SPON1: variants seen among roughly 807,000 people sequenced by gnomAD.
The protein encoded by SPON1 is spondin-1.
In SPON1, 52 loss-of-function variants were observed where a neutral mutation model predicts 111.7. The observed-to-expected ratio is 0.47, with a 90% confidence interval of 0.37 to 0.59. SPON1 has a LOEUF of 0.59. Among genes scored for constraint, SPON1 ranks in the 20% least tolerant of loss-of-function variants. The pLI is 0.00. For missense variants in SPON1, 957 were observed against 1,068.5 expected, an observed-to-expected ratio of 0.90 and a Z score of 1.46; for synonymous variants, 410 against 395.8, an observed-to-expected ratio of 1.04 and a Z score of -0.43.
At chr11:14,018,063 A>C (rs1848455821) in intron 2 of SPON1, among the ~76,000 whole-genome samples, 1 of 152,236 alleles carries the variant, frequency 6.6e-6, no homozygotes, top group African/African-American at 2.4e-5. Context: ...GCTACTGAAC[A>C]ATTCTTTAGC....
intron 6 of SPON1, among the ~76,000 whole-genome samples, chr11:14,201,691 C>A (rs1554935653): frequency 6.6e-6 from 1 of 152,130 alleles, no homozygotes; most frequent in Non-Finnish European, 1.5e-5. Flanking sequence ...AGCCACCTCA[C>A]CCAGCCTAGT....
At chr11:13,994,643 T>C (rs2133789124) in intron 2 of SPON1, among the ~76,000 whole-genome samples, 1 of 152,326 alleles carries the variant, frequency 6.6e-6, no homozygotes, top group Non-Finnish European at 1.5e-5. Context: ...AACCACCTAC[T>C]TGGATCCAAA....
intron 7 of SPON1, among the ~76,000 whole-genome samples, chr11:14,252,835 A>G (rs1439955546): frequency 1.3e-5 from 2 of 152,266 alleles, no homozygotes; most frequent in Non-Finnish European, 2.9e-5. Context: ...GTGTATTACA[A>G]TCTGGAGGGA....
At chr11:14,126,092 G>C (rs1309399718) in intron 5 of SPON1, among the ~76,000 whole-genome samples, 1 of 152,166 alleles carries the variant, frequency 6.6e-6, no homozygotes, top group Non-Finnish European at 1.5e-5. Flanking sequence ...GTTCTATTCA[G>C]GTCTTCAGCT....
intron 2 of SPON1, among the ~76,000 whole-genome samples, chr11:14,004,209 T>C (rs1848341948): frequency 6.6e-6 from 1 of 152,118 alleles, no homozygotes; most frequent in African/African-American, 2.4e-5. Context: ...TCCCCATTTG[T>C]ACATTTCCTA....
At chr11:13,966,678 A>G (rs1848020034) in intron 1 of SPON1, among the ~76,000 whole-genome samples, 1 of 152,216 alleles carries the variant, frequency 6.6e-6, no homozygotes, top group Non-Finnish European at 1.5e-5. Flanking sequence ...CCTTTGTCCC[A>G]CACTGAGACA....
intron 3 of SPON1, among the ~76,000 whole-genome samples, chr11:14,049,347 T>C (rs1447877952): frequency 6.6e-6 from 1 of 152,234 alleles, no homozygotes; most frequent in African/African-American, 2.4e-5. Context: ...ACCTCCTGAC[T>C]GATCACTCTA....
chr11:14,083,369 TGGAAAAG>T (rs1219973055), intron 5 of SPON1, among the ~76,000 whole-genome samples: 1 of 152,210 alleles, frequency 6.6e-6, no homozygotes, highest in Admixed American at 6.5e-5. Context: ...GCTATGTAAT[TGGAAAAG>T]GGAAGAGTAT....
chr11:14,196,713 C>A (rs1848406688), intron 6 of SPON1, among the ~76,000 whole-genome samples: 1 of 152,290 alleles, frequency 6.6e-6, no homozygotes, highest in South Asian at 2.1e-4. Context: ...TTAGTAAACA[C>A]TAACCTGCCT....
chr11:14,182,619 C>A (rs781854704), intron 6 of SPON1, among the ~76,000 whole-genome samples: 35 of 152,118 alleles, frequency 2.3e-4, no homozygotes, highest in Non-Finnish European at 3.4e-4. Flanking sequence ...AAGCACCAAC[C>A]TGAAGAGGCA....
chr11:14,253,004 T>G (rs7118682), intron 7 of SPON1, among the ~76,000 whole-genome samples: 66,112 of 152,086 alleles, frequency 0.43, 14,621 homozygotes, highest in Admixed American at 0.53. Context: ...GCCCAATAGA[T>G]GCAAGTACAA....
At chr11:14,074,975 T>G (rs1345489191) in intron 3 of SPON1, among the ~76,000 whole-genome samples, 1 of 152,206 alleles carries the variant, frequency 6.6e-6, no homozygotes, top group Non-Finnish European at 1.5e-5. Flanking sequence ...TTGGCTGATC[T>G]ATAAATGGCC....
rs782306609 is a variant in SPON1, at chr11:14,057,831, C to CAAA, written c.479+16187_479+16189dup. Reference sequence around the variant, plus strand: ...AAAACGTAGTGAGACCTTGTCTCTACAAAAAAAAAAAACAAAACAAAAACT... The same window carrying CAAA: ...AAAACGTAGTGAGACCTTGTCTCTACAAAAAAAAAAAAAAACAAAACAAAAACT... On this transcript the variant is annotated intron_variant, in intron 3 of 15. Coordinates refer to ENST00000576479, the MANE Select transcript of SPON1 (RefSeq NM_006108.4). Among the ~76,000 whole-genome samples, 413 of 100,564 alleles carry CAAA rather than the reference C, an allele frequency of 4.1e-3. 6 individuals carry two copies. The highest frequency in any genetic ancestry group is 9.9e-3 in the African/African-American group (287 of 28,866). The allele number at this position is 100,564 out of a possible 152,430, so 66.0% of individuals were successfully genotyped here.
chr11:14,031,898 A>G (rs1424714449), intron 2 of SPON1, among the ~76,000 whole-genome samples: 1 of 152,224 alleles, frequency 6.6e-6, no homozygotes, highest in African/African-American at 2.4e-5. Context: ...CTCAGGTTTT[A>G]CTGAAGTAGT....
At chr11:14,115,917 GGTTTT>G (rs1564908645) in intron 5 of SPON1, among the ~76,000 whole-genome samples, 2 of 152,030 alleles carry the variant, frequency 1.3e-5, no homozygotes, top group African/African-American at 4.8e-5. Context: ...TTGTTGATAT[GGTTTT>G]GTTTTGTTTT....
intron 6 of SPON1, among the ~76,000 whole-genome samples, chr11:14,142,108 G>T (rs764634725): frequency 6.6e-6 from 1 of 152,162 alleles, no homozygotes; most frequent in Non-Finnish European, 1.5e-5. Context: ...TGAAAATGGC[G>T]ATTGTGCCAA....
intron 5 of SPON1, among the ~76,000 whole-genome samples, chr11:14,096,709 T>C (rs956928168): frequency 6.6e-6 from 1 of 152,166 alleles, no homozygotes; most frequent in African/African-American, 2.4e-5. Flanking sequence ...CACAACTCCC[T>C]GGGAGCTTCA....
intron 2 of SPON1, among the ~76,000 whole-genome samples, chr11:14,011,569 A>G (rs1554913750): frequency 6.6e-6 from 1 of 151,962 alleles, no homozygotes; most frequent in East Asian, 1.9e-4. Context: ...CTGACTTTCC[A>G]TTCCTCTGCT....
At chr11:14,086,101 T>C (rs1328937917) in intron 5 of SPON1, among the ~76,000 whole-genome samples, 2 of 152,168 alleles carry the variant, frequency 1.3e-5, no homozygotes, top group Non-Finnish European at 2.9e-5. Flanking sequence ...ACAGAGACAA[T>C]TTGACCTCCT....
Sources: allele counts gnomAD v4.1 joint callset (sites outside exome capture counted in the v4.1 genomes callset), GRCh38; gene constraint gnomAD v4.1.1; transcripts MANE v1.5; gene names NCBI Gene and HGNC (gene_info 2026-07-23, HGNC 2026-07-21).